The following MAST2 variants were observed in gnomAD, a reference collection of about 807,000 sequenced individuals.
MAST2 encodes microtubule associated serine/threonine kinase 2.
Under a neutral mutation model 147.4 loss-of-function variants are expected in MAST2, and 70 were observed. That is an observed-to-expected ratio of 0.47 (90% CI 0.39 to 0.58). MAST2 has a LOEUF of 0.58. Among genes scored for constraint, MAST2 ranks in the 20% least tolerant of loss-of-function variants. MAST2 has a pLI of 0.00. For synonymous variants in MAST2, 869 were observed against 896.8 expected, an observed-to-expected ratio of 0.97 and a Z score of 0.55; for missense variants, 2,080 against 2,302.3, an observed-to-expected ratio of 0.90 and a Z score of 1.98.
chr1:45,823,578 C>G (rs745624719), intron 1 of MAST2, among the ~76,000 whole-genome samples: 4 of 152,126 alleles, frequency 2.6e-5, no homozygotes, highest in Non-Finnish European at 5.9e-5. Flanking sequence ...TCATGATCCA[C>G]CTGCCTCAGA....
At chr1:45,934,096 G>A (rs1183611812) in intron 4 of MAST2, among the ~76,000 whole-genome samples, 2 of 152,088 alleles carry the variant, frequency 1.3e-5, no homozygotes. Flanking sequence ...GTAGGCCTTG[G>A]TGTCTATTAT....
intron 3 of MAST2, among the ~76,000 whole-genome samples, chr1:45,862,721 C>T (rs972590075): frequency 3.3e-5 from 5 of 152,076 alleles, no homozygotes; most frequent in Non-Finnish European, 5.9e-5. Context: ...CCACTTGCCT[C>T]GGCCTCCCAA....
intron 3 of MAST2, among the ~76,000 whole-genome samples, chr1:45,875,918 G>A (rs1646586322): frequency 6.6e-6 from 1 of 152,010 alleles, no homozygotes; most frequent in Non-Finnish European, 1.5e-5. Flanking sequence ...ATAGAGAAAG[G>A]AGAGTGTACA....
intron 7 of MAST2, among the ~76,000 whole-genome samples, chr1:46,003,856 G>A (rs1438955407): frequency 6.6e-6 from 1 of 152,118 alleles, no homozygotes; most frequent in Non-Finnish European, 1.5e-5. Context: ...AGTCTTTGAA[G>A]GCCATACAGA....
intron 3 of MAST2, among the ~76,000 whole-genome samples, chr1:45,878,978 C>T (rs1214690082): frequency 2.7e-5 from 4 of 148,808 alleles, no homozygotes; most frequent in Admixed American, 6.7e-5. Context: ...AAATTCAAAT[C>T]GAAATGCAAG....
At chr1:45,986,837 GTTATC>G (rs1188255186) in intron 5 of MAST2, among the ~76,000 whole-genome samples, 15 of 151,936 alleles carry the variant, frequency 9.9e-5, no homozygotes, top group South Asian at 2.1e-4. Flanking sequence ...TTAGTCTGTA[GTTATC>G]TTATAATATC....
chr1:45,829,746 C>G (rs1469266109), intron 3 of MAST2, among the ~76,000 whole-genome samples, 165 bp downstream of exon 3: 5 of 152,032 alleles, frequency 3.3e-5, no homozygotes, highest in Non-Finnish European at 4.4e-5. Context: ...GAGATAGGGT[C>G]TTGCTTTGTT....
chr1:45,978,954 G>A (rs74349300), intron 5 of MAST2, among the ~76,000 whole-genome samples: 2,806 of 152,290 alleles, frequency 0.018, 33 homozygotes, highest in Non-Finnish European at 0.027. Context: ...TGATTGCATA[G>A]CTTTGTGAAT....
chr1:45,805,375 C>A (rs1644111207), intron 1 of MAST2, among the ~76,000 whole-genome samples: 2 of 152,242 alleles, frequency 1.3e-5, no homozygotes, highest in Admixed American at 1.3e-4. Flanking sequence ...TTGGACTTTT[C>A]CCCCCTTTTG....
At chr1:46,016,577 A>G (rs1331115475) in intron 10 of MAST2, among the ~76,000 whole-genome samples, 2 of 152,222 alleles carry the variant, frequency 1.3e-5, no homozygotes, top group Non-Finnish European at 2.9e-5. Context: ...CCCATTCACA[A>G]TTGCTTCAAA....
chr1:45,811,646 T>C (rs1036305235), intron 1 of MAST2, among the ~76,000 whole-genome samples: 40 of 143,362 alleles, frequency 2.8e-4, no homozygotes, highest in Non-Finnish European at 3.6e-4. Context: ...GCTTTTTTTT[T>C]TTTTTGACAC....
At chr1:45,883,751 T>C (rs1473479500) in intron 4 of MAST2, among the ~76,000 whole-genome samples, 1 of 152,080 alleles carries the variant, frequency 6.6e-6, no homozygotes, top group Admixed American at 6.6e-5. Context: ...GGATATTCAG[T>C]CTAGCTTCAC....
At chr1:45,860,401 A>T (rs921706094) in intron 3 of MAST2, among the ~76,000 whole-genome samples, 8 of 132,698 alleles carry the variant, frequency 6.0e-5, no homozygotes, top group African/African-American at 2.3e-4. Context: ...AAAAAAAAAA[A>T]TTTATGTGAA....
chr1:45,970,522 G>T lies in MAST2; in HGVS notation c.592+11045G>T, dbSNP rs553601866. On this transcript the variant is annotated intron_variant, in intron 5 of 28. Transcript: ENST00000361297. The stretch of plus-strand genomic sequence containing the variant: ...TACTAAAAATACAAAAAAAAAATTA[G>T]CTGGGTGTGGTGGCAGCTGCCTGTA... Among the ~76,000 whole-genome samples the T allele has an allele frequency of 6.2e-4, 94 of 151,998 alleles. No homozygotes were observed. In the South Asian group the frequency reaches 0.019, roughly 31 times the overall value.
rs1649360848 is a variant in MAST2 at position 45,899,371 on chromosome 1, TGTA to T, written c.500+16977_500+16979del. Among the ~76,000 whole-genome samples the T allele has an allele frequency of 3.3e-5, 5 of 149,924 alleles. No homozygotes were observed. In the South Asian group the frequency reaches 1.1e-3, roughly 32 times the overall value. On this transcript the variant is annotated intron_variant, in intron 4 of 28. Transcript: ENST00000361297. ...GCAGGATTGTTACATGGATATATTG[TGTA>T]ATGCTGGGGTTTCGGCTTCTAGTGA...
intron 1 of MAST2, among the ~76,000 whole-genome samples, chr1:45,811,166 C>CTT (rs375439362): frequency 2.3e-5 from 3 of 127,894 alleles, no homozygotes; most frequent in African/African-American, 8.9e-5. Flanking sequence ...CAGTATATTT[C>CTT]TTTTTTTTTT....
chr1:45,929,603 G>A (rs1246095984), intron 4 of MAST2, among the ~76,000 whole-genome samples: 3 of 152,294 alleles, frequency 2.0e-5, no homozygotes, highest in Admixed American at 6.5e-5. Context: ...GCCACAAGAG[G>A]AGGAGCCATT....
At chr1:45,953,019 T>TA (rs1659155133) in intron 4 of MAST2, among the ~76,000 whole-genome samples, 1 of 152,164 alleles carries the variant, frequency 6.6e-6, no homozygotes, top group Non-Finnish European at 1.5e-5. Flanking sequence ...TAATAGATTG[T>TA]AATAATAGGT....
rs570740325 is a variant in MAST2, at chr1:45,866,239, A to G, written c.469-16125A>G. Among the ~76,000 whole-genome samples, 143 of 152,336 alleles carry G rather than the reference A, an allele frequency of 9.4e-4. 2 individuals carry two copies. The South Asian group carries it at 0.028, about 30-fold the overall frequency. ...GAACCCACTGAATCTTTAGCAGTTGACCAGTATGACCTGGGCTTTAAAAGT... is the reference window on the plus strand; with the variant it reads ...GAACCCACTGAATCTTTAGCAGTTGGCCAGTATGACCTGGGCTTTAAAAGT... On this transcript the variant is annotated intron_variant, in intron 3 of 28. Transcript: ENST00000361297.
Sources: gnomAD v4.1 joint callset for allele counts (sites outside exome capture counted in the v4.1 genomes callset) on GRCh38, gnomAD v4.1.1 for gene constraint, MANE v1.5 for transcripts, NCBI Gene and HGNC (gene_info 2026-07-23, HGNC 2026-07-21) for gene names.